The following PTPRG variants were observed in gnomAD, a reference collection of about 807,000 sequenced individuals.
The protein encoded by PTPRG is protein tyrosine phosphatase receptor type G, also known as receptor-type tyrosine-protein phosphatase gamma.
Under a neutral mutation model 165.3 loss-of-function variants are expected in PTPRG, and 102 were observed. That is an observed-to-expected ratio of 0.62 (90% CI 0.53 to 0.73). The LOEUF is 0.73. Ranked by LOEUF, PTPRG falls within the 30% of genes least tolerant of loss-of-function variation. PTPRG has a pLI of 0.00. For synonymous variants in PTPRG, 675 were observed against 669.5 expected (o/e 1.01, Z -0.13); for missense variants, 1,866 against 1,861.4 (o/e 1.00, Z -0.05).
intron 2 of PTPRG, among the ~76,000 whole-genome samples, chr3:61,890,254 A>C (rs1003777291): frequency 3.3e-5 from 5 of 152,150 alleles, no homozygotes; most frequent in Non-Finnish European, 5.9e-5. Context: ...GATTTAACTA[A>C]AGTAACAATT....
At chr3:61,797,934 T>C (rs1188656450) in intron 2 of PTPRG, among the ~76,000 whole-genome samples, 2 of 151,906 alleles carry the variant, frequency 1.3e-5, no homozygotes, top group African/African-American at 2.4e-5. Context: ...AGGATGAGGA[T>C]GAAATTTTTA....
chr3:61,994,045 A>G (rs1255186374), intron 3 of PTPRG, among the ~76,000 whole-genome samples: 4 of 152,238 alleles, frequency 2.6e-5, no homozygotes, highest in Non-Finnish European at 5.9e-5. Context: ...CACAAGACAG[A>G]TAGCATCTCT....
At chr3:62,248,434 A>G (rs1701339578) in intron 15 of PTPRG, among the ~76,000 whole-genome samples, 2 of 152,182 alleles carry the variant, frequency 1.3e-5, no homozygotes, top group South Asian at 4.1e-4. Flanking sequence ...GCAGTAACAC[A>G]GCTGTCAGTC....
chr3:61,676,971 G>T (rs1703254926), intron 1 of PTPRG, among the ~76,000 whole-genome samples: 1 of 152,160 alleles, frequency 6.6e-6, no homozygotes, highest in Non-Finnish European at 1.5e-5. Context: ...TCTTAGCCAA[G>T]CATGGTGGCT....
At chr3:62,059,737 T>C (rs1442049530) in intron 4 of PTPRG, among the ~76,000 whole-genome samples, 3 of 152,192 alleles carry the variant, frequency 2.0e-5, no homozygotes, top group South Asian at 2.1e-4. Flanking sequence ...TCACATGTCA[T>C]GGGAGGAACC....
chr3:61,990,003 A>T (rs983887660), intron 3 of PTPRG, among the ~76,000 whole-genome samples, 199 bp downstream of exon 3: 2 of 152,124 alleles, frequency 1.3e-5, no homozygotes, highest in East Asian at 1.9e-4. Context: ...TCATTTTTTT[A>T]AAAATATAAA....
At chr3:62,249,884 T>G (rs1261544859) in intron 15 of PTPRG, among the ~76,000 whole-genome samples, 1 of 152,208 alleles carries the variant, frequency 6.6e-6, no homozygotes, top group Non-Finnish European at 1.5e-5. Flanking sequence ...ACCCAGGCTT[T>G]GGAGTCTGCC....
intron 2 of PTPRG, among the ~76,000 whole-genome samples, chr3:61,942,138 A>G (rs1159485364): frequency 6.0e-5 from 9 of 150,838 alleles, no homozygotes; most frequent in Admixed American, 2.0e-4. Context: ...AGCCTGGGCA[A>G]TAGGGCGAGA....
chr3:61,595,369 A>G (rs1700677797), intron 1 of PTPRG, among the ~76,000 whole-genome samples: 1 of 152,210 alleles, frequency 6.6e-6, no homozygotes, highest in South Asian at 2.1e-4. Flanking sequence ...TGACTGAAGT[A>G]AGACTCTGGG....
chr3:62,223,574 C>A (rs1208838099), intron 13 of PTPRG, among the ~76,000 whole-genome samples: 1 of 152,174 alleles, frequency 6.6e-6, no homozygotes, highest in Admixed American at 6.5e-5. Flanking sequence ...ACAAAGACTT[C>A]TCCACCAACT....
intron 3 of PTPRG, among the ~76,000 whole-genome samples, chr3:61,992,095 T>C (rs1329770453): frequency 6.6e-6 from 1 of 152,196 alleles, no homozygotes; most frequent in East Asian, 1.9e-4. Flanking sequence ...AATAGATCTT[T>C]GTTACTCTCA....
intron 2 of PTPRG, among the ~76,000 whole-genome samples, chr3:61,845,766 A>G (rs956316681): frequency 2.0e-5 from 3 of 152,208 alleles, no homozygotes; most frequent in African/African-American, 7.2e-5. Flanking sequence ...GTCCATAAGC[A>G]TGTATATTAA....
intron 2 of PTPRG, among the ~76,000 whole-genome samples, chr3:61,768,702 C>G (rs1336472408): frequency 6.6e-6 from 1 of 152,132 alleles, no homozygotes; most frequent in African/African-American, 2.4e-5. Flanking sequence ...GAATTGGAAA[C>G]TTGTCCTTCA....
chr3:61,679,297 A>G (rs974702491), intron 1 of PTPRG, among the ~76,000 whole-genome samples: 1 of 152,216 alleles, frequency 6.6e-6, no homozygotes, highest in African/African-American at 2.4e-5. Context: ...AGATCTTGAC[A>G]GCCTGTCAGG....
intron 2 of PTPRG, among the ~76,000 whole-genome samples, chr3:61,902,473 T>G (rs1241622492): frequency 1.3e-5 from 2 of 152,162 alleles, no homozygotes; most frequent in African/African-American, 4.8e-5. Flanking sequence ...CGCCCTTGAA[T>G]GTAAGACCTG....
intron 2 of PTPRG, among the ~76,000 whole-genome samples, chr3:61,825,633 C>T (rs1023724765): frequency 7.4e-5 from 11 of 148,820 alleles, no homozygotes; most frequent in African/African-American, 2.7e-4. Flanking sequence ...TACCACTTGG[C>T]TTATTCCGTT....
chr3:62,189,193 C>G (rs932608743), intron 8 of PTPRG, among the ~76,000 whole-genome samples: 47 of 152,094 alleles, frequency 3.1e-4, no homozygotes, highest in African/African-American at 1.1e-3. Flanking sequence ...ATCCCTTCCT[C>G]CCTCCCTCCC....
chr3:62,141,182 C>G (rs1275876265), intron 6 of PTPRG, among the ~76,000 whole-genome samples: 11 of 152,030 alleles, frequency 7.2e-5, no homozygotes, highest in Admixed American at 6.6e-4. Flanking sequence ...TGCAGGAACT[C>G]TCATGTTGTT....
intron 2 of PTPRG, among the ~76,000 whole-genome samples, chr3:61,805,355 C>A (rs1448060404): frequency 1.3e-5 from 2 of 152,076 alleles, no homozygotes; most frequent in Non-Finnish European, 2.9e-5. Context: ...GGTTAAGAAA[C>A]CCTCCCATAA....
Sources: allele counts gnomAD v4.1 joint callset (sites outside exome capture counted in the v4.1 genomes callset), GRCh38; gene constraint gnomAD v4.1.1; transcripts MANE v1.5; gene names NCBI Gene and HGNC (gene_info 2026-07-23, HGNC 2026-07-21).